Variants in DLC1 observed in about 807,000 individuals in gnomAD.
DLC1 encodes DLC1 Rho GTPase activating protein, also known as rho GTPase-activating protein 7.
A neutral mutation model predicts 140.3 loss-of-function variants in DLC1; 54 were observed. That is an observed-to-expected ratio of 0.38 (90% confidence interval 0.31 to 0.48). DLC1 has a LOEUF of 0.48. Among genes scored for constraint, DLC1 ranks in the 20% least tolerant of loss-of-function variants. The pLI is 0.96. For missense variants in DLC1, 2,536 were observed against 1,907.0 expected, an observed-to-expected ratio of 1.33 and a Z score of -6.14; for synonymous variants, 986 against 728.1, an observed-to-expected ratio of 1.35 and a Z score of -5.70.
chr8:13,091,370 G>A lies in DLC1; in HGVS notation c.3803C>T (p.Ala1268Val), dbSNP rs759392511. 5.6e-6 allele frequency: 9 copies of A among 1,614,160 alleles called. No individual in the cohort carries two copies. The Admixed American group carries it at 8.3e-5, about 15-fold the overall frequency. ...CATATGGGCCAGCCCTTGAGTGGCAGCTAGGTTTTCATTCAAATCTTTCTG... is the reference window on the plus strand; with the variant it reads ...CATATGGGCCAGCCCTTGAGTGGCAACTAGGTTTTCATTCAAATCTTTCTG... ...PDQKDLNENLAATQGLAHMIA... is the reference protein window; with the variant it reads ...PDQKDLNENLVATQGLAHMIA... Residue 1268 changes from alanine (A) to valine (V), a missense_variant, in exon 14 of 18, where the codon GCT (alanine) becomes GTT (valine). Transcript: ENST00000276297.
At chr8:13,230,755 C>T (rs1204442471) in intron 5 of DLC1, among the ~76,000 whole-genome samples, 41 of 151,892 alleles carry the variant, frequency 2.7e-4, no homozygotes, top group Admixed American at 2.7e-3. Context: ...CACCACCATG[C>T]CCGCCTAATT....
intron 1 of DLC1, among the ~76,000 whole-genome samples, chr8:13,529,924 G>A (rs1319730961): frequency 1.3e-5 from 2 of 152,116 alleles, no homozygotes; most frequent in East Asian, 1.9e-4. Context: ...AAGAAGGGAC[G>A]AAAGGCTACT....
intron 1 of DLC1, among the ~76,000 whole-genome samples, chr8:13,569,712 T>A (rs1804579679): frequency 6.6e-6 from 1 of 152,176 alleles, no homozygotes; most frequent in African/African-American, 2.4e-5. Context: ...GAATTACTAT[T>A]TTTTAAATTT....
chr8:13,485,662 C>A (rs1325490038), intron 2 of DLC1, among the ~76,000 whole-genome samples: 4 of 152,170 alleles, frequency 2.6e-5, no homozygotes, highest in Admixed American at 6.5e-5. Flanking sequence ...GAAATTAAAT[C>A]TCGTAATCTA....
intron 2 of DLC1, among the ~76,000 whole-genome samples, chr8:13,468,872 G>C (rs1393391976): frequency 7.3e-6 from 1 of 137,188 alleles, no homozygotes; most frequent in Non-Finnish European, 1.5e-5. Context: ...CCAGGCTGGA[G>C]TGCAGTGGTG....
chr8:13,098,434 C>G lies in DLC1; in HGVS notation c.3132G>C (p.Glu1044Asp), dbSNP rs1251812818. 1 of 1,614,144 alleles carries G rather than the reference C, an allele frequency of 6.2e-7. No individual in the cohort carries two copies. Among genetic ancestry groups the G allele is most frequent in the Admixed American group, 1.7e-5 (1 of 60,018 alleles). ...CATGCTTGTTAGAAGGTGTGTATTT[C>G]TCCAGCAGGGCCGTTAGCTTTAGGA... ...YSLLKLTALL[E>D]KYTPSNKHGF... The change falls in exon 10 of 18, where the codon GAG becomes GAC. Residue 1044 changes from glutamate to aspartate, a missense_variant. Glu to Asp is a conservative substitution (Grantham distance 45). Transcript: ENST00000276297.
intron 4 of DLC1, among the ~76,000 whole-genome samples, chr8:13,361,358 A>C (rs776862755): frequency 2.0e-5 from 3 of 151,900 alleles, no homozygotes; most frequent in Non-Finnish European, 4.4e-5. Flanking sequence ...GGGCTCAAGC[A>C]ATCCTCCTGA....
At chr8:13,483,351 C>T (rs1450465977) in intron 2 of DLC1, among the ~76,000 whole-genome samples, 4 of 152,062 alleles carry the variant, frequency 2.6e-5, no homozygotes, top group Non-Finnish European at 2.9e-5. Flanking sequence ...GTGCATGTAC[C>T]TTTTGAGGGG....
At chr8:13,569,990 T>G (rs1381093915) in intron 1 of DLC1, among the ~76,000 whole-genome samples, 1 of 152,210 alleles carries the variant, frequency 6.6e-6, no homozygotes. Flanking sequence ...CCTTCCCAAG[T>G]GCTGGGATTG....
At chr8:13,414,368 G>C (rs193104993) in intron 2 of DLC1, among the ~76,000 whole-genome samples, 373 of 152,252 alleles carry the variant, frequency 2.4e-3, no homozygotes, top group African/African-American at 8.7e-3. Flanking sequence ...TACAACTAAT[G>C]CACAGCTAAT....
At chr8:13,120,356 A>AAAAAAAAAAAAATATATAT in intron 5 of DLC1, among the ~76,000 whole-genome samples, 2 of 61,122 alleles carry the variant, frequency 3.3e-5, no homozygotes, top group African/African-American at 4.2e-5. Context: ...AAAAAAAAAA[A>AAAAAAAAAAAAATATATAT]ATATATATAT....
chr8:13,489,412 T>TAC (rs10558551), intron 2 of DLC1, among the ~76,000 whole-genome samples: 30,283 of 132,144 alleles, frequency 0.23, 3,380 homozygotes, highest in Middle Eastern at 0.28. Context: ...ACACACACCA[T>TAC]ACACACACAC....
chr8:13,379,138 G>A (rs568128564), intron 4 of DLC1, among the ~76,000 whole-genome samples: 5 of 152,044 alleles, frequency 3.3e-5, no homozygotes, highest in South Asian at 2.1e-4. Flanking sequence ...CAAGAAAAAC[G>A]GTTCTTTAGT....
At chr8:13,350,573 G>A (rs551093009) in intron 4 of DLC1, among the ~76,000 whole-genome samples, 27 of 152,038 alleles carry the variant, frequency 1.8e-4, no homozygotes, top group Admixed American at 2.6e-4. Context: ...AAAATTAGCC[G>A]GGCGTGGTGG....
chr8:13,218,966 TTATA>T (rs1487726619), intron 5 of DLC1, among the ~76,000 whole-genome samples: 3 of 109,008 alleles, frequency 2.8e-5, no homozygotes, highest in Non-Finnish European at 5.2e-5. Context: ...ACGTATATAA[TTATA>T]TACGTATATA....
intron 1 of DLC1, among the ~76,000 whole-genome samples, chr8:13,514,271 G>C (rs60120627): frequency 0.076 from 11,621 of 152,166 alleles, 633 homozygotes; most frequent in East Asian, 0.18. Context: ...GTGAGAAAAT[G>C]TATTTGTTTC....
Position 13,401,537 on chromosome 8 carries a change from A to G in DLC1, c.1106T>C (p.Ile369Thr), listed in dbSNP as rs568418020. The G allele has an allele frequency of 1.7e-5, 27 of 1,613,252 alleles. No homozygotes were observed. Among genetic ancestry groups the G allele is most frequent in the Admixed American group, 3.3e-5 (2 of 59,996 alleles). ...GGAGCTGGTGCTGAGGGCATTTTCT[A>G]TGTCCTGATCAAGCTGGTCCAGTTT... is the stretch of plus-strand genomic sequence containing the variant. ...IMKLDQLDQD[I>T]ENALSTSSSP... The change falls in exon 3 of 18, where the codon ATA becomes ACA. Residue 369 changes from isoleucine to threonine, a missense_variant. Transcript: ENST00000276297.
At chr8:13,109,380 G>C (rs1467179610) in intron 7 of DLC1, among the ~76,000 whole-genome samples, 1 of 151,700 alleles carries the variant, frequency 6.6e-6, no homozygotes, top group African/African-American at 2.4e-5. Flanking sequence ...AACACAGCAA[G>C]ACCGCATCTC....
chr8:13,236,058 T>C (rs567660227), intron 5 of DLC1, among the ~76,000 whole-genome samples: 170 of 152,140 alleles, frequency 1.1e-3, no homozygotes, highest in Non-Finnish European at 1.9e-3. Context: ...TCAAATTCTA[T>C]ACAAATCTAA....
Sources: allele counts gnomAD v4.1 joint callset (sites outside exome capture counted in the v4.1 genomes callset), GRCh38; gene constraint gnomAD v4.1.1; transcripts MANE v1.5; gene names NCBI Gene and HGNC (gene_info 2026-07-23, HGNC 2026-07-21).